TMEM242: variants seen among roughly 807,000 people sequenced by gnomAD.
TMEM242 encodes UPF0463 transmembrane protein C6orf35.
Under a neutral mutation model 18.2 loss-of-function variants are expected in TMEM242, and 10 were observed. The ratio of observed to expected loss-of-function variants is 0.55; its 90% CI spans 0.34 to 0.93. The LOEUF (loss-of-function observed/expected upper bound fraction) is 0.93. TMEM242 is among the 40% of genes least tolerant of loss of function. TMEM242 has a pLI of 0.02. For missense variants in TMEM242, 186 were observed against 175.5 expected, an observed-to-expected ratio of 1.06 and a Z score of -0.34; for synonymous variants, 57 against 69.9, an observed-to-expected ratio of 0.81 and a Z score of 0.92.
At position 157,298,460 on chromosome 6, in the gene TMEM242, T is replaced by C. The variant is rs149160237; in HGVS notation, c.328-5461A>G. On this transcript the variant is annotated intron_variant, in intron 3 of 3. Coordinates refer to ENST00000400788, the MANE Select transcript of TMEM242 (RefSeq NM_018452.6). ...CTATTTTCATATCTTAACCAAATGA[T>C]CCTGCTTCACTGGTGTGCGCACATA... 5.2e-3 allele frequency among the ~76,000 whole-genome samples: 790 copies of C among 152,320 alleles called. 14 individuals carry two copies. Among genetic ancestry groups the C allele is most frequent in the African/African-American group, 0.018 (757 of 41,558 alleles).
intron 3 of TMEM242, among the ~76,000 whole-genome samples, chr6:157,302,242 G>A (rs1211681599): frequency 6.6e-6 from 1 of 152,134 alleles, no homozygotes; most frequent in Non-Finnish European, 1.5e-5. Flanking sequence ...TGTTTTAGAG[G>A]AATCCTTTAA....
chr6:157,294,643 C>T (rs1196803618), intron 3 of TMEM242, among the ~76,000 whole-genome samples: 4 of 152,172 alleles, frequency 2.6e-5, no homozygotes, highest in African/African-American at 7.2e-5. Context: ...AACCACCGCG[C>T]CCGGCCGCAA....
intron 3 of TMEM242, among the ~76,000 whole-genome samples, chr6:157,310,645 T>TGCGC (rs1778004733): frequency 6.8e-6 from 1 of 146,142 alleles, no homozygotes; most frequent in Non-Finnish European, 1.5e-5. Context: ...TGTCCCAGTG[T>TGCGC]TCGCTCACCC....
At chr6:157,316,125 A>AG (rs1778385785) in intron 3 of TMEM242, among the ~76,000 whole-genome samples, 1 of 152,228 alleles carries the variant, frequency 6.6e-6, no homozygotes, top group Non-Finnish European at 1.5e-5. Context: ...GACCCACATT[A>AG]CTAAACACTG....
At chr6:157,312,916 CCGG>C in intron 3 of TMEM242, among the ~76,000 whole-genome samples, 1 of 152,116 alleles carries the variant, frequency 6.6e-6, no homozygotes, top group East Asian at 1.9e-4. Flanking sequence ...GTGCGCTCAC[CCGG>C]CATCATCATA....
chr6:157,303,535 A>C (rs147669536), intron 3 of TMEM242, among the ~76,000 whole-genome samples: 4,929 of 152,362 alleles, frequency 0.032, 128 homozygotes, highest in Admixed American at 0.047. Context: ...GCAGTAAAAC[A>C]AATATGCAGT....
chr6:157,314,148 T>TTGTGTCCC, intron 3 of TMEM242, among the ~76,000 whole-genome samples: 1 of 124,174 alleles, frequency 8.1e-6, no homozygotes, highest in African/African-American at 3.0e-5. Context: ...GGCCTCATCA[T>TTGTGTCCC]AGTGTCCCTG....
chr6:157,293,656 G>GTT (rs112843311), intron 3 of TMEM242, among the ~76,000 whole-genome samples: 2 of 148,970 alleles, frequency 1.3e-5, no homozygotes, highest in African/African-American at 4.9e-5. Flanking sequence ...CAAGACAGTG[G>GTT]TTTTTTTTTT....
At chr6:157,299,455 G>A in intron 3 of TMEM242, 2 of 1,358,226 alleles carry the variant, frequency 1.5e-6, no homozygotes, top group Non-Finnish European at 2.1e-6. Context: ...TCCATCCGTG[G>A]CAGTTTTCAG....
intron 3 of TMEM242, among the ~76,000 whole-genome samples, chr6:157,311,884 GTT>G (rs1562383856): frequency 1.3e-4 from 13 of 98,306 alleles, no homozygotes; most frequent in South Asian, 3.5e-4. Flanking sequence ...TCATCATAGT[GTT>G]CCAGTGTGCG....
chr6:157,311,421 CG>C (rs1778087692), intron 3 of TMEM242, among the ~76,000 whole-genome samples: 2 of 123,812 alleles, frequency 1.6e-5, no homozygotes, highest in African/African-American at 5.9e-5. Context: ...CCAGTGTGCA[CG>C]CATACGGCCT....
At chr6:157,299,921 G>A (rs1212270779) in intron 3 of TMEM242, 3 of 1,611,072 alleles carry the variant, frequency 1.9e-6, no homozygotes, top group Non-Finnish European at 2.5e-6. Context: ...CATGCCCACC[G>A]ATCCAGTTCC....
At chr6:157,299,277 C>T (rs1554247354) in intron 3 of TMEM242, 1 of 766,772 alleles carries the variant, frequency 1.3e-6, no homozygotes. Flanking sequence ...TGAAGTATAA[C>T]CTTTCATTTT....
At chr6:157,319,665 A>G (rs1392844998) in intron 2 of TMEM242, among the ~76,000 whole-genome samples, 1 of 152,266 alleles carries the variant, frequency 6.6e-6, no homozygotes, top group Non-Finnish European at 1.5e-5. Context: ...ATCATCCCAA[A>G]ATAAAAGCAG....
At chr6:157,312,619 C>A (rs368341278) in intron 3 of TMEM242, among the ~76,000 whole-genome samples, 2 of 14,848 alleles carry the variant, frequency 1.3e-4, no homozygotes, top group African/African-American at 5.4e-4. Context: ...CCTAGCCTCA[C>A]CATAGTGTCG....
intron 3 of TMEM242, among the ~76,000 whole-genome samples, chr6:157,310,282 G>T (rs1017150318): frequency 1.3e-5 from 2 of 151,360 alleles, no homozygotes; most frequent in East Asian, 1.9e-4. Flanking sequence ...TTGCCACTTA[G>T]TACAAGAGTT....
At chr6:157,314,524 A>C (rs1384461866) in intron 3 of TMEM242, among the ~76,000 whole-genome samples, 2 of 152,268 alleles carry the variant, frequency 1.3e-5, no homozygotes, top group African/African-American at 4.8e-5. Context: ...CGATGAACAC[A>C]AACTGAACAG....
At chr6:157,306,711 G>A (rs1413528816) in intron 3 of TMEM242, among the ~76,000 whole-genome samples, 1 of 152,148 alleles carries the variant, frequency 6.6e-6, no homozygotes, top group Non-Finnish European at 1.5e-5. Flanking sequence ...AAATAAAGCA[G>A]CACTATTTCA....
At chr6:157,310,249 TTTC>T (rs1554248237) in intron 3 of TMEM242, among the ~76,000 whole-genome samples, 1 of 152,200 alleles carries the variant, frequency 6.6e-6, no homozygotes. Flanking sequence ...AAGGCTTCTT[TTTC>T]TTCTTTGATA....
Sources: gnomAD v4.1 joint callset for allele counts (sites outside exome capture counted in the v4.1 genomes callset) on GRCh38, gnomAD v4.1.1 for gene constraint, MANE v1.5 for transcripts, NCBI Gene and HGNC (gene_info 2026-07-23, HGNC 2026-07-21) for gene names.